The following NAV3 variants were observed in gnomAD, a reference collection of about 807,000 sequenced individuals.
NAV3 encodes neuron navigator 3.
Under a neutral mutation model 244.7 loss-of-function variants are expected in NAV3, and 87 were observed. That is an observed-to-expected ratio of 0.36 (90% confidence interval 0.30 to 0.42). The LOEUF is 0.42. Among genes scored for constraint, NAV3 ranks in the 20% least tolerant of loss-of-function variants. The pLI is 1.00. For synonymous variants in NAV3, 1,126 were observed against 1,042.2 expected, an observed-to-expected ratio of 1.08 and a Z score of -1.55; for missense variants, 2,663 against 2,893.3, an observed-to-expected ratio of 0.92 and a Z score of 1.83.
chr12:77,835,136 C>T (rs1874405197), intron 1 of NAV3, among the ~76,000 whole-genome samples: 8 of 152,102 alleles, frequency 5.3e-5, no homozygotes. Context: ...TGGCTCACAC[C>T]TCATAGTCTT....
chr12:78,087,263 C>A (rs989770481), intron 12 of NAV3, among the ~76,000 whole-genome samples: 1 of 151,998 alleles, frequency 6.6e-6, no homozygotes, highest in Non-Finnish European at 1.5e-5. Flanking sequence ...TCTATGAGAA[C>A]TGATTTTGTA....
rs540354268 is a variant in NAV3, at chr12:77,833,149, A to ATTTTAATTATCTGGATAATTTC, written c.243+1467_243+1488dup. On this transcript the variant is annotated intron_variant, in intron 1 of 39. Coordinates refer to ENST00000397909, the MANE Select transcript of NAV3 (RefSeq NM_001024383.2). ...TCTTTTTCTGTAGAAATGCTTGTGT[A>ATTTTAATTATCTGGATAATTTC]TTTTAATTATCTGGATAATTTCTTT... Among the ~76,000 whole-genome samples, 272 of 152,190 alleles carry ATTTTAATTATCTGGATAATTTC rather than the reference A, an allele frequency of 1.8e-3. 3 individuals are homozygous for ATTTTAATTATCTGGATAATTTC. Among genetic ancestry groups the ATTTTAATTATCTGGATAATTTC allele is most frequent in the African/African-American group, 6.3e-3 (263 of 41,506 alleles).
chr12:78,026,369 T>G (rs1300116273), intron 9 of NAV3, among the ~76,000 whole-genome samples: 1 of 152,166 alleles, frequency 6.6e-6, no homozygotes, highest in Non-Finnish European at 1.5e-5. Flanking sequence ...TCGAAAACTC[T>G]TTACCCAAGT....
At position 77,989,856 on chromosome 12, in the gene NAV3, C is replaced by A. The variant is rs144032148; in HGVS notation, c.672-4947C>A. On this transcript the variant is annotated intron_variant, in intron 5 of 39. Coordinates refer to ENST00000397909, the MANE Select transcript of NAV3 (RefSeq NM_001024383.2). ...AAGGGTAATATAAATAAGAATAGTT[C>A]TTATTCTGCTTTTTTAAAACATACT... is the stretch of plus-strand genomic sequence containing the variant. 6.4e-4 allele frequency among the ~76,000 whole-genome samples: 98 copies of A among 152,128 alleles called. No homozygotes were observed. The East Asian group carries it at 0.019, about 29-fold the overall frequency.
chr12:77,977,005 T>G (rs1362245126), intron 5 of NAV3, among the ~76,000 whole-genome samples: 1 of 152,022 alleles, frequency 6.6e-6, no homozygotes, highest in African/African-American at 2.4e-5. Flanking sequence ...AATTTTGACA[T>G]AAGGAAACAG....
intron 12 of NAV3, among the ~76,000 whole-genome samples, chr12:78,075,659 T>C (rs1953011532): frequency 6.6e-6 from 1 of 152,212 alleles, no homozygotes; most frequent in South Asian, 2.1e-4. Flanking sequence ...TTTTTAGATA[T>C]AAAGACTTAG....
At chr12:78,088,347 A>G (rs181307378) in intron 12 of NAV3, among the ~76,000 whole-genome samples, 140 of 152,186 alleles carry the variant, frequency 9.2e-4, no homozygotes, top group African/African-American at 3.2e-3. Flanking sequence ...TATGTTTCCA[A>G]CAAAGAATTA....
chr12:77,813,088 G>A (rs1872371797), intron 2 of NAV3, among the ~76,000 whole-genome samples: 1 of 152,170 alleles, frequency 6.6e-6, no homozygotes, highest in Admixed American at 6.5e-5. Flanking sequence ...CTCCCAAAGT[G>A]CTGAGATTAC....
chr12:78,019,772 A>T (rs1876840208), intron 8 of NAV3, among the ~76,000 whole-genome samples: 1 of 152,124 alleles, frequency 6.6e-6, no homozygotes, highest in Non-Finnish European at 1.5e-5. Flanking sequence ...ATCATCCCAT[A>T]GGTTGCGTGG....
intron 2 of NAV3, among the ~76,000 whole-genome samples, chr12:77,632,617 T>C (rs540387057): frequency 6.6e-6 from 1 of 152,232 alleles, no homozygotes. Flanking sequence ...CAAGATGAGA[T>C]TTGAGAGGGG....
chr12:77,930,517 G>T (rs1888680779), intron 1 of NAV3, among the ~76,000 whole-genome samples: 1 of 151,106 alleles, frequency 6.6e-6, no homozygotes, highest in Non-Finnish European at 1.5e-5. Flanking sequence ...TTCTCACACA[G>T]TGCATCAGAT....
intron 29 of NAV3, among the ~76,000 whole-genome samples, chr12:78,180,091 A>T (rs1475293882): frequency 6.6e-6 from 1 of 152,138 alleles, no homozygotes; most frequent in Non-Finnish European, 1.5e-5. Context: ...TAATGAGGAA[A>T]CTATAGAAAT....
At chr12:77,667,289 C>T (rs906232206) in intron 2 of NAV3, among the ~76,000 whole-genome samples, 20 of 152,050 alleles carry the variant, frequency 1.3e-4, no homozygotes, top group South Asian at 4.2e-4. Flanking sequence ...GGATTGCTGC[C>T]GCAGGCTCCC....
intron 2 of NAV3, among the ~76,000 whole-genome samples, chr12:77,785,480 G>T (rs1870863055): frequency 6.6e-6 from 1 of 152,094 alleles, no homozygotes; most frequent in Non-Finnish European, 1.5e-5. Flanking sequence ...GAAGAAGTAG[G>T]AGGAGGGAGG....
At position 77,888,587 on chromosome 12, in the gene NAV3, A is replaced by G. The variant is rs1450449494; in HGVS notation, c.244-51732A>G. ...GTAAGACAAAGTAATGAAGAGAAGC[A>G]TAAGTTAATAGCCTCATTAAGTTTT... On this transcript the variant is annotated intron_variant, in intron 1 of 39. Coordinates refer to ENST00000397909, the MANE Select transcript of NAV3 (RefSeq NM_001024383.2). Among the ~76,000 whole-genome samples the G allele has an allele frequency of 5.3e-5, 8 of 152,228 alleles. No individual in the cohort carries two copies. The South Asian group carries it at 1.0e-3, about 20-fold the overall frequency.
intron 1 of NAV3, among the ~76,000 whole-genome samples, chr12:77,925,333 T>C (rs1471791082): frequency 6.6e-6 from 1 of 152,228 alleles, no homozygotes; most frequent in Admixed American, 6.5e-5. Flanking sequence ...TCTTTGACTT[T>C]TATTCATTAT....
intron 1 of NAV3, among the ~76,000 whole-genome samples, chr12:77,835,762 T>C (rs1056668364): frequency 2.6e-5 from 4 of 152,184 alleles, no homozygotes; most frequent in African/African-American, 9.7e-5. Context: ...ATATTCACCA[T>C]CCTGCTTAAG....
intron 2 of NAV3, among the ~76,000 whole-genome samples, chr12:77,736,460 G>C (rs1324643013): frequency 6.6e-6 from 1 of 152,162 alleles, no homozygotes; most frequent in Non-Finnish European, 1.5e-5. Context: ...TGTACCAGTT[G>C]AAAGATTAAC....
chr12:77,708,468 G>A (rs1451811221), intron 2 of NAV3, among the ~76,000 whole-genome samples: 1 of 152,166 alleles, frequency 6.6e-6, no homozygotes, highest in Admixed American at 6.5e-5. Context: ...TAGCCTTGTA[G>A]TATAGTTTGA....
Sources: gnomAD v4.1 joint callset for allele counts (sites outside exome capture counted in the v4.1 genomes callset) on GRCh38, gnomAD v4.1.1 for gene constraint, MANE v1.5 for transcripts, NCBI Gene and HGNC (gene_info 2026-07-23, HGNC 2026-07-21) for gene names.